PCSK6: variants seen among roughly 807,000 people sequenced by gnomAD.
PCSK6 encodes proprotein convertase subtilisin/kexin type 6, also known as paired basic amino acid cleaving enzyme 4.
PCSK6 carries 85 observed loss-of-function variants against 123.3 expected under a neutral mutation model. That is an observed-to-expected ratio of 0.69 (90% CI 0.58 to 0.83). The LOEUF (loss-of-function observed/expected upper bound fraction) is 0.83, where lower values mean the gene tolerates loss of function less well. Among genes scored for constraint, PCSK6 ranks in the 40% least tolerant of loss-of-function variants. PCSK6 has a pLI of 0.00. For synonymous variants in PCSK6, 508 were observed against 516.0 expected (o/e 0.98, Z 0.21); for missense variants, 1,191 against 1,282.3 (o/e 0.93, Z 1.09).
intron 11 of PCSK6, among the ~76,000 whole-genome samples, chr15:101,381,875 G>A (rs2041918063): frequency 6.6e-6 from 1 of 152,268 alleles, no homozygotes. Context: ...TGCTACAAAA[G>A]GGGAAGAGGC....
intron 6 of PCSK6, among the ~76,000 whole-genome samples, chr15:101,411,338 G>A (rs1460319896): frequency 6.6e-6 from 1 of 152,126 alleles, no homozygotes; most frequent in Non-Finnish European, 1.5e-5. Flanking sequence ...TCATCTTGAG[G>A]CTGGTGCAGT....
chr15:101,349,471 A>G (rs1295095351), intron 13 of PCSK6, among the ~76,000 whole-genome samples: 1 of 152,136 alleles, frequency 6.6e-6, no homozygotes, highest in Non-Finnish European at 1.5e-5. Context: ...GGTCGCAGCC[A>G]ATTTGATTTT....
chr15:101,313,303 T>C (rs2039910993), intron 20 of PCSK6, 73 bp downstream of exon 20: 1 of 1,610,626 alleles, frequency 6.2e-7, no homozygotes, highest in African/African-American at 1.3e-5. Context: ...GGGAAGATGC[T>C]GCCAGACTCT....
chr15:101,462,193 C>T (rs185279619), intron 1 of PCSK6, among the ~76,000 whole-genome samples: 19 of 152,284 alleles, frequency 1.2e-4, no homozygotes, highest in Admixed American at 5.2e-4. Context: ...CGTCTATATA[C>T]TAGCAACAAC....
intron 1 of PCSK6, among the ~76,000 whole-genome samples, chr15:101,476,606 G>A (rs370101469): frequency 6.6e-6 from 1 of 150,916 alleles, no homozygotes; most frequent in African/African-American, 2.4e-5. Flanking sequence ...GTGTATATGC[G>A]CACGTATCTG....
rs546513101 is a variant in PCSK6, at chr15:101,331,563, G to C, written c.2077+88C>G. On this transcript the variant is annotated intron_variant, in intron 15 of 21. Transcript: ENST00000611716. ...CCTAGAAGTGGCTAACTTACCAGGG[G>C]GCAAGACCCCATTCTGGTTGGGCAT... The C allele has an allele frequency of 4.7e-6, 6 of 1,266,624 alleles. No individual in the cohort carries two copies. In the South Asian group the frequency reaches 7.6e-5, roughly 16 times the overall value. 78.5% of individuals were successfully genotyped at this position (1,266,624 alleles called of 1,614,324 possible).
Position 101,366,306 on chromosome 15 carries a change from A to C in PCSK6, c.1748T>G (p.Phe583Cys), listed in dbSNP as rs753799216. 1 of 1,613,190 alleles carries C rather than the reference A, an allele frequency of 6.2e-7. No individual in the cohort carries two copies. Among genetic ancestry groups the C allele is most frequent in the South Asian group, 1.1e-5 (1 of 90,902 alleles). Residue 583 changes from phenylalanine (F) to cysteine (C), a missense_variant, in exon 13 of 22, where the codon TTT (phenylalanine) becomes TGT (cysteine). Physicochemically the swap from Phe to Cys is radical, Grantham distance 205. This residue lies in a region of PCSK6 where 630 missense variants were observed against 631.4 expected (regional missense o/e 1.00). Transcript: ENST00000611716. ...KRLLDLSNEG[F>C]TNWEFMTVHC... ...GACAGTCATGAATTCCCAGTTTGTA[A>C]ACCCTTCATTGGAAAGATCCAGCAA...
At chr15:101,342,770 C>T (rs865965491) in intron 13 of PCSK6, among the ~76,000 whole-genome samples, 42 of 152,120 alleles carry the variant, frequency 2.8e-4, no homozygotes, top group African/African-American at 7.5e-4. Context: ...GGTGTGGTGG[C>T]GCATGCCTGT....
chr15:101,378,972 C>T (rs28407438), intron 11 of PCSK6, among the ~76,000 whole-genome samples: 2,230 of 152,338 alleles, frequency 0.015, 63 homozygotes, highest in African/African-American at 0.051. Context: ...GTGGCCTTTC[C>T]GCGCCTTTGG....
chr15:101,365,016 T>C (rs1357512273), intron 13 of PCSK6: 9 of 777,516 alleles, frequency 1.2e-5, no homozygotes, highest in Non-Finnish European at 2.2e-5. Flanking sequence ...CTGTGGTCAG[T>C]TGATTTGCAA....
intron 11 of PCSK6, among the ~76,000 whole-genome samples, chr15:101,375,810 G>A (rs80204074): frequency 0.066 from 10,029 of 152,150 alleles, 834 homozygotes; most frequent in East Asian, 0.2. Context: ...TGAGGTGGGT[G>A]AATCACTTGA....
chr15:101,467,098 T>C (rs1174255266), intron 1 of PCSK6, among the ~76,000 whole-genome samples: 2 of 150,022 alleles, frequency 1.3e-5, no homozygotes, highest in Non-Finnish European at 2.9e-5. Flanking sequence ...AGACACCCCA[T>C]ACAGGTAAAA....
intron 6 of PCSK6, among the ~76,000 whole-genome samples, chr15:101,406,315 C>T (rs2141603582): frequency 6.6e-6 from 1 of 152,240 alleles, no homozygotes; most frequent in Middle Eastern, 3.4e-3. Flanking sequence ...ACACGCTGGG[C>T]CCACTTTTGT....
chr15:101,376,442 C>G (rs8036466), intron 11 of PCSK6, among the ~76,000 whole-genome samples: 1 of 152,084 alleles, frequency 6.6e-6, no homozygotes, highest in Non-Finnish European at 1.5e-5. Context: ...AGTGAATGAA[C>G]CAATGATCTA....
chr15:101,423,747 GA>G (rs1171345553), intron 6 of PCSK6, among the ~76,000 whole-genome samples: 1 of 151,956 alleles, frequency 6.6e-6, no homozygotes, highest in Non-Finnish European at 1.5e-5. Context: ...AGAGTAGAAA[GA>G]AAATGGAACT....
intron 11 of PCSK6, among the ~76,000 whole-genome samples, chr15:101,372,062 C>T (rs2041602789): frequency 1.3e-5 from 2 of 152,160 alleles, no homozygotes; most frequent in Admixed American, 1.3e-4. Context: ...AAATCTGTAC[C>T]CCAAGGCTGT....
At chr15:101,488,596 C>T (rs1181980281) in intron 1 of PCSK6, among the ~76,000 whole-genome samples, 2 of 152,098 alleles carry the variant, frequency 1.3e-5, no homozygotes, top group Non-Finnish European at 2.9e-5. Context: ...GCGGTGTAGA[C>T]ATTGCCACTG....
At chr15:101,375,614 G>T (rs1224843500) in intron 11 of PCSK6, among the ~76,000 whole-genome samples, 1 of 152,100 alleles carries the variant, frequency 6.6e-6, no homozygotes, top group Non-Finnish European at 1.5e-5. Context: ...TAACACCTGC[G>T]GCACTTTGGT....
chr15:101,482,624 A>G (rs7179801), intron 1 of PCSK6, among the ~76,000 whole-genome samples: 69,355 of 151,980 alleles, frequency 0.46, 16,504 homozygotes, highest in East Asian at 0.75. Flanking sequence ...TGTCCCTGTC[A>G]CCACCCAAAG....
Sources: gnomAD v4.1 joint callset for allele counts (sites outside exome capture counted in the v4.1 genomes callset) on GRCh38, gnomAD v4.1.1 for gene constraint, gnomAD v4.1.1 regional missense constraint, MANE v1.5 for transcripts, NCBI Gene and HGNC (gene_info 2026-07-23, HGNC 2026-07-21) for gene names.